AMER3: variants seen among roughly 807,000 people sequenced by gnomAD.
AMER3 encodes APC membrane recruitment protein 3, also known as family with sequence similarity 123C.
For missense variants in AMER3, 1,201 were observed against 1,139.4 expected, an observed-to-expected ratio of 1.05 and a Z score of -0.78; for synonymous variants, 541 against 485.5, an observed-to-expected ratio of 1.11 and a Z score of -1.50.
Position 130,765,637 on chromosome 2 carries a change from G to A in AMER3, c.*979G>A, listed in dbSNP as rs184756238. ...GGATGCCGGCAGGGTGGCTCAGGAC[G>A]AAAGCCTCAGGACCCAGGAGGGCCA... On this transcript the variant is annotated 3_prime_UTR_variant, in exon 2 of 2. Coordinates refer to ENST00000321420, the MANE Select transcript of AMER3 (RefSeq NM_152698.3). 392 of 167,144 alleles carry A rather than the reference G, an allele frequency of 2.3e-3. 2 individuals are homozygous for A. Among genetic ancestry groups the A allele is most frequent in the Middle Eastern group, 0.01 (3 of 296 alleles). 10.4% of individuals were successfully genotyped at this position (167,144 alleles called of 1,614,324 possible). A position where few individuals can be genotyped will look rare whatever the true frequency, so the allele number is the denominator to read the frequency against.
In AMER3 at chr2:130,765,769, T is replaced by C. The variant is rs1678966475; in HGVS notation, c.*1111T>C. On this transcript the variant is annotated 3_prime_UTR_variant, in exon 2 of 2. Coordinates refer to ENST00000321420, the MANE Select transcript of AMER3 (RefSeq NM_152698.3). The stretch of plus-strand genomic sequence containing the variant: ...CTGAGAGAGAGACCAGTTTGCCTTC[T>C]TTATTTGTTCTCCCTGGGCCTCAGC... 6.0e-6 allele frequency: 1 copy of C among 167,060 alleles called. No homozygotes were observed. The highest frequency in any genetic ancestry group is 2.1e-4 in the South Asian group (1 of 4,830). 10.3% of individuals were successfully genotyped at this position (167,060 alleles called of 1,614,324 possible).
intron 1 of AMER3, among the ~76,000 whole-genome samples, chr2:130,758,615 A>G (rs373502881): frequency 2.0e-5 from 3 of 152,374 alleles, no homozygotes; most frequent in African/African-American, 7.2e-5. Context: ...ACCGCCTACT[A>G]TAGTTGGAGT....
At chr2:130,760,529 G>C (rs1162040235) in intron 1 of AMER3, among the ~76,000 whole-genome samples, 8 of 152,216 alleles carry the variant, frequency 5.3e-5, no homozygotes, top group Non-Finnish European at 1.2e-4. Context: ...TCACAGCCAG[G>C]AGCTGGGGGA....
rs913069900 is a variant in AMER3, at chr2:130,766,483, CTTTTT to C, written c.*1846_*1850del. 2.6e-4 allele frequency: 23 copies of C among 87,116 alleles called. No individual in the cohort carries two copies. Among genetic ancestry groups the C allele is most frequent in the Middle Eastern group, 0.01 (1 of 98 alleles). The allele number at this position is 87,116 out of a possible 1,614,324, so 5.4% of individuals were successfully genotyped here. On this transcript the variant is annotated 3_prime_UTR_variant, in exon 2 of 2. Transcript: ENST00000321420. Reference sequence around the variant, plus strand: ...GGCATGGCACCAGCATCTGCTGCTGCTTTTTTTTTTTTTTTTTTTTTTTTTGAGAC... The same window carrying C: ...GGCATGGCACCAGCATCTGCTGCTGCTTTTTTTTTTTTTTTTTTTTGAGAC...
rs1472057386 is a variant in AMER3 at position 130,763,447 on chromosome 2, A to C, written c.1375A>C (p.Ile459Leu). The C allele has an allele frequency of 1.2e-6, 2 of 1,612,810 alleles. No homozygotes were observed. The highest frequency in any genetic ancestry group is 2.7e-5 in the African/African-American group (2 of 74,906). ...SGPALGTPLS[I>L]CSFRVGAEEN... is the part of the protein sequence containing the mutation. ...GCCGGCCCTGGGGACGCCACTGTCC[A>C]TATGCAGCTTCCGAGTGGGGGCCGA... The change falls in exon 2 of 2, where the codon ATA becomes CTA. Residue 459 changes from isoleucine to leucine, a missense_variant. Coordinates refer to ENST00000321420, the MANE Select transcript of AMER3 (RefSeq NM_152698.3).
chr2:130,756,417 C>G (rs1678610772), intron 1 of AMER3: 2 of 152,286 alleles, frequency 1.3e-5, no homozygotes, highest in Non-Finnish European at 1.5e-5. Context: ...TGCGTTGGTC[C>G]TGCCCCGCGG....
Position 130,764,939 on chromosome 2 carries a change from G to A in AMER3, c.*281G>A, listed in dbSNP as rs900576297. 2.2e-5 allele frequency: 9 copies of A among 414,760 alleles called. No individual in the cohort carries two copies. Among genetic ancestry groups the A allele is most frequent in the African/African-American group, 1.2e-4 (6 of 50,530 alleles). The allele number at this position is 414,760 out of a possible 1,614,324, so 25.7% of individuals were successfully genotyped here. A position where few individuals can be genotyped will look rare whatever the true frequency, so the allele number is the denominator to read the frequency against. ...AGGGGCTAGGGCTTGAAACTGAGGG[G>A]GAGAAAGAGCTGCACATTGTAAATG... On this transcript the variant is annotated 3_prime_UTR_variant, in exon 2 of 2. Coordinates refer to ENST00000321420, the MANE Select transcript of AMER3 (RefSeq NM_152698.3).
At position 130,762,752 on chromosome 2, in the gene AMER3, C is replaced by A; in HGVS notation, c.680C>A (p.Ser227Tyr). The change falls in exon 2 of 2, where the codon TCC becomes TAC. Residue 227 changes from serine (S) to tyrosine (Y), a missense_variant. Transcript: ENST00000321420. ...GACAGCGAGCTCCTGGCCGATGCAT[C>A]CTTTGGTCTCTGCAGGGCCCTGTGT... ...LLDSELLADA[S>Y]FGLCRALCED... 1 of 1,612,028 alleles carries A rather than the reference C, an allele frequency of 6.2e-7. No individual in the cohort carries two copies. Among genetic ancestry groups the A allele is most frequent in the Non-Finnish European group, 8.5e-7 (1 of 1,179,094 alleles).
Position 130,763,978 on chromosome 2 carries a change from T to C in AMER3, c.1906T>C (p.Ser636Pro). Residue 636 changes from serine (S) to proline (P), a missense_variant, in exon 2 of 2, where the codon TCT (serine) becomes CCT (proline). By Grantham distance (74) the Ser-to-Pro change is moderately conservative. Transcript: ENST00000321420. The stretch of plus-strand genomic sequence containing the variant: ...CGGTAAAAATAAGGCCCCAGTTCCT[T>C]CTACCTGGCCCTGCTCCCAGAAGGA... The part of the protein sequence containing the change: ...TSGKNKAPVP[S>P]TWPCSQKEPG... 6.2e-7 allele frequency: 1 copy of C among 1,613,682 alleles called. No homozygotes were observed. Among genetic ancestry groups the C allele is most frequent in the South Asian group, 1.1e-5 (1 of 91,074 alleles).
At position 130,763,042 on chromosome 2, in the gene AMER3, C is replaced by G. The variant is rs1365561486; in HGVS notation, c.970C>G (p.Leu324Val). Residue 324 changes from leucine (L) to valine (V), a missense_variant, in exon 2 of 2, where the codon CTC becomes GTC. Transcript: ENST00000321420. Reference sequence around the variant, plus strand: ...CTCAGTGCGTCAGCAGCAGCGTGCCCTCCTAGGCCCGTGGCTTTCAGGCCC... The same window carrying G: ...CTCAGTGCGTCAGCAGCAGCGTGCCGTCCTAGGCCCGTGGCTTTCAGGCCC... ...NRSVRQQQRA[L>V]LGPWLSGPQG... 6.2e-7 allele frequency: 1 copy of G among 1,613,266 alleles called. No individual in the cohort carries two copies. The highest frequency in any genetic ancestry group is 8.5e-7 in the Non-Finnish European group (1 of 1,180,004).
Position 130,764,502 on chromosome 2 carries a change from A to G in AMER3, c.2430A>G (p.Pro810=). ...AARWSSQGHH[P]ESLGLTLNSQ... ...GGTGGAGTTCCCAGGGCCACCATCC[A>G]GAAAGCCTGGGCCTCACTTTGAACA... The change falls in exon 2 of 2, where the codon CCA becomes CCG. Residue 810 remains proline, a synonymous_variant. Transcript: ENST00000321420. The G allele has an allele frequency of 1.9e-6, 3 of 1,601,656 alleles. No homozygotes were observed. The highest frequency in any genetic ancestry group is 2.6e-6 in the Non-Finnish European group (3 of 1,174,660).
Position 130,763,081 on chromosome 2 carries a change from A to G in AMER3, c.1009A>G (p.Arg337Gly), listed in dbSNP as rs1232767219. The G allele has an allele frequency of 2.9e-5, 47 of 1,613,140 alleles. No homozygotes were observed. Among genetic ancestry groups the G allele is most frequent in the Non-Finnish European group, 4.0e-5 (47 of 1,179,876 alleles). The stretch of plus-strand genomic sequence containing the variant: ...GCTTTCAGGCCCCCAGGGGACAGAC[A>G]GGGACCAATCCCGGCTGGACACAGC... ...PWLSGPQGTD[R>G]DQSRLDTAGL... Residue 337 changes from arginine (R) to glycine (G), a missense_variant, in exon 2 of 2, where the codon AGG (arginine) becomes GGG (glycine). Arg to Gly is a moderately radical substitution (Grantham distance 125). Transcript: ENST00000321420.
rs1319812026 is a variant in AMER3, at chr2:130,764,980, A to G, written c.*322A>G. On this transcript the variant is annotated 3_prime_UTR_variant, in exon 2 of 2. Transcript: ENST00000321420. ...ATTGTAAATGGGAAGCAGAGAGCCAATGAGTCTGCCTGGGATGTGTGTGAA... is the reference window on the plus strand; with the variant it reads ...ATTGTAAATGGGAAGCAGAGAGCCAGTGAGTCTGCCTGGGATGTGTGTGAA... The G allele has an allele frequency of 3.5e-6, 1 of 285,094 alleles. No individual in the cohort carries two copies. The highest frequency in any genetic ancestry group is 7.0e-6 in the Non-Finnish European group (1 of 142,120). The allele number at this position is 285,094 out of a possible 1,614,324, so 17.7% of individuals were successfully genotyped here. A position where few individuals can be genotyped will look rare whatever the true frequency, so the allele number is the denominator to read the frequency against.
At position 130,762,810 on chromosome 2, in the gene AMER3, G is replaced by A. The variant is rs201671532; in HGVS notation, c.738G>A (p.Ser246=). 32 of 1,613,080 alleles carry A rather than the reference G, an allele frequency of 2.0e-5. No individual in the cohort carries two copies. The highest frequency in any genetic ancestry group is 4.5e-5 in the East Asian group (2 of 44,832). Reference sequence around the variant, plus strand: ...TGGCCTCACTCCAGAGCTTCGACTCGCTCACGGGTTGTGGGGAGGTGTTCG... The same window carrying A: ...TGGCCTCACTCCAGAGCTTCGACTCACTCACGGGTTGTGGGGAGGTGTTCG... ...EDVASLQSFD[S]LTGCGEVFAD... is the part of the protein sequence containing the mutation. The change falls in exon 2 of 2, where the codon TCG becomes TCA. Residue 246 remains serine, a synonymous_variant. Transcript: ENST00000321420.
chr2:130,763,513 CAGGGCT>C lies in AMER3; in HGVS notation c.1442_1447del (p.Gln481_Phe483delinsLeu). The C allele has an allele frequency of 6.2e-7, 1 of 1,612,344 alleles. No homozygotes were observed. The highest frequency in any genetic ancestry group is 8.5e-7 in the Non-Finnish European group (1 of 1,179,618). ...AGCACCAGGCCCTGACCTGCTCAGC[CAGGGCT>C]TCCTACAGAGCTCCTGGAAGGGCAA... On this transcript the variant is annotated inframe_deletion, in exon 2 of 2. Transcript: ENST00000321420.
chr2:130,763,818 C>T lies in AMER3; in HGVS notation c.1746C>T (p.Ser582=), dbSNP rs1190096080. 2 of 1,612,818 alleles carry T rather than the reference C, an allele frequency of 1.2e-6. No individual in the cohort carries two copies. The highest frequency in any genetic ancestry group is 3.3e-5 in the Admixed American group (2 of 59,994). Residue 582 remains serine (S), a synonymous_variant, in exon 2 of 2, where the codon AGC becomes AGT. Coordinates refer to ENST00000321420, the MANE Select transcript of AMER3 (RefSeq NM_152698.3). Reference sequence around the variant, plus strand: ...CCACAGGCCTGCTCGCCGGAGAGAGCAAGGCCCTCGGAGGGGCCACACAAG... The same window carrying T: ...CCACAGGCCTGCTCGCCGGAGAGAGTAAGGCCCTCGGAGGGGCCACACAAG... The part of the protein sequence containing the change: ...PGTTGLLAGE[S]KALGGATQGT...
Position 130,762,236 on chromosome 2 carries a change from C to G in AMER3, c.164C>G (p.Ala55Gly). Reference protein sequence around the residue: ...QRPHSEKGPQASPSAQEYDRC... With the variant: ...QRPHSEKGPQGSPSAQEYDRC... Reference sequence around the variant, plus strand: ...CCCCACAGTGAGAAGGGCCCCCAAGCCAGCCCCAGTGCCCAAGAATACGAC... The same window carrying G: ...CCCCACAGTGAGAAGGGCCCCCAAGGCAGCCCCAGTGCCCAAGAATACGAC... The change falls in exon 2 of 2, where the codon GCC (alanine) becomes GGC (glycine). Residue 55 changes from alanine to glycine, a missense_variant. Physicochemically the swap from Ala to Gly is moderately conservative, Grantham distance 60 (BLOSUM62 0). Coordinates refer to ENST00000321420, the MANE Select transcript of AMER3 (RefSeq NM_152698.3). 6.3e-7 allele frequency: 1 copy of G among 1,578,226 alleles called. No individual in the cohort carries two copies. Among genetic ancestry groups the G allele is most frequent in the Non-Finnish European group, 8.6e-7 (1 of 1,162,818 alleles).
Position 130,763,737 on chromosome 2 carries a change from G to T in AMER3, c.1665G>T (p.Gly555=). 6.3e-6 allele frequency: 10 copies of T among 1,583,828 alleles called. No individual in the cohort carries two copies. Among genetic ancestry groups the T allele is most frequent in the Non-Finnish European group, 7.7e-6 (9 of 1,166,354 alleles). Residue 555 remains glycine, a synonymous_variant, in exon 2 of 2, where the codon GGG becomes GGT. Transcript: ENST00000321420. ...GGGAGGGCCTGGCCTCAGATGCAGG[G>T]GGGGCGACAGTTTGCTCAGCACCCA... ...GGREGLASDA[G]GATVCSAPSR... is the part of the protein sequence containing the mutation.
chr2:130,756,545 C>T (rs1678614632), intron 1 of AMER3, among the ~76,000 whole-genome samples: 1 of 152,148 alleles, frequency 6.6e-6, no homozygotes, highest in South Asian at 2.1e-4. Flanking sequence ...CCGGCGCAGT[C>T]AGGGGCCTGG....
Sources: allele counts gnomAD v4.1 joint callset (sites outside exome capture counted in the v4.1 genomes callset), GRCh38; gene constraint gnomAD v4.1.1; transcripts MANE v1.5; gene names NCBI Gene and HGNC (gene_info 2026-07-23, HGNC 2026-07-21).